Variants in GAB2 observed in about 807,000 individuals in gnomAD.
The protein encoded by GAB2 is GRB2-associated-binding protein 2.
Under a neutral mutation model 65.5 loss-of-function variants are expected in GAB2, and 26 were observed. The observed-to-expected ratio is 0.40, with a 90% CI of 0.29 to 0.55. The LOEUF is 0.55. GAB2 is among the 20% of genes least tolerant of loss of function. The pLI is 0.53. For synonymous variants in GAB2, 321 were observed against 329.6 expected (o/e 0.97, Z 0.28); for missense variants, 884 against 875.8 (o/e 1.01, Z -0.12).
chr11:78,349,147 T>C (rs1856235815), intron 1 of GAB2, among the ~76,000 whole-genome samples: 1 of 152,218 alleles, frequency 6.6e-6, no homozygotes, highest in Non-Finnish European at 1.5e-5. Context: ...TCATTAAATG[T>C]ACACAGATAT....
At chr11:78,377,752 C>T (rs1408844631) in intron 1 of GAB2, among the ~76,000 whole-genome samples, 1 of 152,110 alleles carries the variant, frequency 6.6e-6, no homozygotes, top group East Asian at 1.9e-4. Context: ...CGGCTCATAC[C>T]TGCAAAGTTT....
chr11:78,245,950 CTT>C (rs59178035), intron 3 of GAB2, among the ~76,000 whole-genome samples: 2 of 145,152 alleles, frequency 1.4e-5, no homozygotes. Flanking sequence ...TTCTTTTTTT[CTT>C]TTTTTTTTTT....
intron 1 of GAB2, among the ~76,000 whole-genome samples, chr11:78,343,678 T>G (rs1856136915): frequency 6.6e-6 from 1 of 152,134 alleles, no homozygotes; most frequent in East Asian, 1.9e-4. Context: ...CAAATACAAA[T>G]GTAGCGTGAG....
intron 1 of GAB2, among the ~76,000 whole-genome samples, chr11:78,417,366 G>C (rs1173622858): frequency 6.6e-6 from 1 of 151,878 alleles, no homozygotes; most frequent in East Asian, 2.0e-4. Flanking sequence ...CTTCGACACT[G>C]TATTTAGTTC....
chr11:78,378,886 G>C (rs1031091334), intron 1 of GAB2, among the ~76,000 whole-genome samples: 3 of 152,186 alleles, frequency 2.0e-5, no homozygotes, highest in African/African-American at 7.2e-5. Context: ...TACCTGCTTA[G>C]ATCACATGCC....
At chr11:78,376,375 CT>C (rs971795316) in intron 1 of GAB2, among the ~76,000 whole-genome samples, 97 of 152,276 alleles carry the variant, frequency 6.4e-4, no homozygotes, top group African/African-American at 2.3e-3. Flanking sequence ...ATTCTAAGCA[CT>C]TTATGTATTA....
At chr11:78,394,665 CT>C (rs138645604) in intron 1 of GAB2, among the ~76,000 whole-genome samples, 4,192 of 152,338 alleles carry the variant, frequency 0.028, 165 homozygotes, top group African/African-American at 0.089. Flanking sequence ...AGCAGCACTG[CT>C]GTTACCCCAC....
At chr11:78,415,989 T>C (rs1305925557) in intron 1 of GAB2, among the ~76,000 whole-genome samples, 1 of 151,666 alleles carries the variant, frequency 6.6e-6, no homozygotes, top group African/African-American at 2.4e-5. Flanking sequence ...CTAGCTTGTA[T>C]GGAAATCTAT....
intron 2 of GAB2, among the ~76,000 whole-genome samples, chr11:78,267,071 G>A (rs1865891582): frequency 6.6e-6 from 1 of 152,170 alleles, no homozygotes; most frequent in Non-Finnish European, 1.5e-5. Flanking sequence ...CTGAGGTGTG[G>A]TAAGACTCTG....
chr11:78,317,865 AAAG>A (rs147186554), intron 1 of GAB2, among the ~76,000 whole-genome samples: 2,475 of 152,250 alleles, frequency 0.016, 63 homozygotes, highest in African/African-American at 0.056. Flanking sequence ...AAAACAAGAA[AAAG>A]AAGAAGAAGA....
chr11:78,310,531 GA>G (rs886987958), intron 1 of GAB2, among the ~76,000 whole-genome samples: 11 of 141,042 alleles, frequency 7.8e-5, no homozygotes, highest in African/African-American at 1.6e-4. Context: ...AAAAAAAAAA[GA>G]AAAAAAAATC....
chr11:78,262,192 G>C lies in GAB2; in HGVS notation c.377-11792C>G, dbSNP rs991397908. ...AATTATGAGATCTACATAATTCTCT[G>C]AAGGGGAACTTCGGCTTCAGGAGAA... On this transcript the variant is annotated intron_variant, in intron 2 of 9. Transcript: ENST00000361507. Among the ~76,000 whole-genome samples, 3 of 152,208 alleles carry C rather than the reference G, an allele frequency of 2.0e-5. No individual in the cohort carries two copies. In the South Asian group the frequency reaches 6.2e-4, roughly 32 times the overall value.
At chr11:78,373,150 T>C (rs1449431205) in intron 1 of GAB2, among the ~76,000 whole-genome samples, 1 of 152,130 alleles carries the variant, frequency 6.6e-6, no homozygotes, top group Non-Finnish European at 1.5e-5. Flanking sequence ...TGACAAATAA[T>C]TGTACATGTT....
At chr11:78,283,067 T>C (rs1167783442) in intron 1 of GAB2, among the ~76,000 whole-genome samples, 1 of 152,226 alleles carries the variant, frequency 6.6e-6, no homozygotes, top group East Asian at 1.9e-4. Flanking sequence ...GCCCCTCATG[T>C]TGCCCAACAA....
At chr11:78,274,413 G>T (rs2510049) in intron 2 of GAB2, among the ~76,000 whole-genome samples, 23,845 of 152,180 alleles carry the variant, frequency 0.16, 2,422 homozygotes, top group East Asian at 0.4. Flanking sequence ...ATCAACTCCA[G>T]GGGATACCCC....
At chr11:78,387,014 C>T (rs950189170) in intron 1 of GAB2, among the ~76,000 whole-genome samples, 4 of 152,048 alleles carry the variant, frequency 2.6e-5, no homozygotes, top group Non-Finnish European at 5.9e-5. Context: ...TTAAACAAAA[C>T]GTTGTTACCA....
At chr11:78,309,216 A>C (rs1316678259) in intron 1 of GAB2, among the ~76,000 whole-genome samples, 1 of 152,232 alleles carries the variant, frequency 6.6e-6, no homozygotes, top group Non-Finnish European at 1.5e-5. Context: ...TAGCAGACTC[A>C]AGCAATTAAA....
chr11:78,351,496 T>C (rs1856277606), intron 1 of GAB2, among the ~76,000 whole-genome samples: 1 of 151,976 alleles, frequency 6.6e-6, no homozygotes, highest in African/African-American at 2.4e-5. Flanking sequence ...TTGTGGAGAG[T>C]ACAGATGAAC....
At chr11:78,256,786 A>G (rs1865607003) in intron 2 of GAB2, among the ~76,000 whole-genome samples, 1 of 152,172 alleles carries the variant, frequency 6.6e-6, no homozygotes, top group Non-Finnish European at 1.5e-5. Flanking sequence ...TTGCCTGGGT[A>G]CCCCTTGGGA....
Sources: allele counts gnomAD v4.1 joint callset (sites outside exome capture counted in the v4.1 genomes callset), GRCh38; gene constraint gnomAD v4.1.1; transcripts MANE v1.5; gene names NCBI Gene and HGNC (gene_info 2026-07-23, HGNC 2026-07-21).